RAB10: variants seen among roughly 807,000 people sequenced by gnomAD.
RAB10 encodes RAB10, member RAS oncogene family.
Under a neutral mutation model 25.7 loss-of-function variants are expected in RAB10, and 5 were observed. The ratio of observed to expected loss-of-function variants is 0.19; its 90% CI spans 0.10 to 0.41. The LOEUF (loss-of-function observed/expected upper bound fraction) is 0.41, where lower values mean the gene tolerates loss of function less well. Among genes scored for constraint, RAB10 ranks in the 10% least tolerant of loss-of-function variants. The pLI is 1.00. For synonymous variants in RAB10, 89 were observed against 86.4 expected (o/e 1.03, Z -0.16); for missense variants, 103 against 245.8 (o/e 0.42, Z 3.89).
chr2:26,119,418 AT>A (rs1480170095), intron 3 of RAB10, among the ~76,000 whole-genome samples: 5 of 152,100 alleles, frequency 3.3e-5, no homozygotes, highest in African/African-American at 1.2e-4. Flanking sequence ...CAAAAAAAAA[AT>A]AAATTTTAAA....
chr2:26,083,813 C>G (rs1482797843), intron 1 of RAB10, among the ~76,000 whole-genome samples: 1 of 152,016 alleles, frequency 6.6e-6, no homozygotes, highest in Admixed American at 6.6e-5. Flanking sequence ...GCAGCTGCAC[C>G]TGCTTAATCA....
At chr2:26,034,030 G>T (rs2149258637), upstream of RAB10, 1 of 399,638 alleles carries the variant, frequency 2.5e-6, no homozygotes, top group Admixed American at 4.4e-5. Context: ...CGTGCGCAGA[G>T]GCGGACCGCA....
At chr2:26,063,567 A>G (rs1666455373) in intron 1 of RAB10, among the ~76,000 whole-genome samples, 1 of 152,222 alleles carries the variant, frequency 6.6e-6, no homozygotes, top group Admixed American at 6.5e-5. Flanking sequence ...ATTACATGCA[A>G]GAAGTTTAAT....
At chr2:26,044,075 C>T (rs1278518683) in intron 1 of RAB10, among the ~76,000 whole-genome samples, 1 of 152,072 alleles carries the variant, frequency 6.6e-6, no homozygotes, top group Non-Finnish European at 1.5e-5. Flanking sequence ...ATCTGTTGCA[C>T]AATGGTGTGA....
intron 1 of RAB10, among the ~76,000 whole-genome samples, chr2:26,093,207 C>T (rs1667144949): frequency 1.3e-5 from 2 of 152,078 alleles, no homozygotes; most frequent in African/African-American, 4.8e-5. Flanking sequence ...TGAGCATTTC[C>T]CTACCCCAGG....
rs1389085756 is a variant in RAB10 at position 26,117,631 on chromosome 2, A to AC, written c.327+7725_327+7726insC. On this transcript the variant is annotated intron_variant, in intron 3 of 5. Coordinates refer to ENST00000264710, the MANE Select transcript of RAB10 (RefSeq NM_016131.5). ...CGAGACTCCGTCTCAAAAAAAAAAA[A>AC]AAAACAAAAAAAACAAAAGAGTTAG... Among the ~76,000 whole-genome samples, 13 of 145,366 alleles carry AC rather than the reference A, an allele frequency of 8.9e-5. 1 individual carries two copies. The East Asian group carries it at 1.1e-3, about 12-fold the overall frequency.
At chr2:26,036,578 G>C (rs960754997) in intron 1 of RAB10, among the ~76,000 whole-genome samples, 1 of 151,848 alleles carries the variant, frequency 6.6e-6, no homozygotes, top group Non-Finnish European at 1.5e-5. Context: ...AGAATCACTT[G>C]AACCTGGGAG....
chr2:26,062,979 G>T (rs1328359796), intron 1 of RAB10, among the ~76,000 whole-genome samples: 1 of 152,046 alleles, frequency 6.6e-6, no homozygotes, highest in Non-Finnish European at 1.5e-5. Flanking sequence ...GCCAGGCATG[G>T]TGGCAGGCGC....
At chr2:26,046,613 C>T (rs1255639742) in intron 1 of RAB10, among the ~76,000 whole-genome samples, 1 of 152,008 alleles carries the variant, frequency 6.6e-6, no homozygotes, top group Non-Finnish European at 1.5e-5. Flanking sequence ...GATGGGGTCT[C>T]GCCATGTTAC....
chr2:26,059,381 CAAAT>C (rs1666349063), intron 1 of RAB10, among the ~76,000 whole-genome samples: 1 of 152,092 alleles, frequency 6.6e-6, no homozygotes, highest in Non-Finnish European at 1.5e-5. Flanking sequence ...ACAGATGTAT[CAAAT>C]AAACACAATG....
intron 2 of RAB10, among the ~76,000 whole-genome samples, chr2:26,100,324 ATCC>A (rs1294466352): frequency 1.3e-5 from 2 of 152,166 alleles, no homozygotes; most frequent in African/African-American, 4.8e-5. Context: ...CTACTCTCTT[ATCC>A]TCTGCCATTA....
chr2:26,101,328 C>T (rs1667333156), intron 2 of RAB10: 1 of 152,188 alleles, frequency 6.6e-6, no homozygotes, highest in Non-Finnish European at 1.5e-5. Context: ...TACATAGCAG[C>T]CACAGCTGGA....
chr2:26,054,369 T>C (rs1479267270), intron 1 of RAB10, among the ~76,000 whole-genome samples: 1 of 152,126 alleles, frequency 6.6e-6, no homozygotes, highest in African/African-American at 2.4e-5. Context: ...TTTGTATTTT[T>C]AGTAGAGACG....
intron 5 of RAB10, among the ~76,000 whole-genome samples, chr2:26,131,271 G>A (rs1214342741): frequency 1.3e-5 from 2 of 151,744 alleles, no homozygotes; most frequent in African/African-American, 4.8e-5. Context: ...TAGCTTGTAC[G>A]CTAAAGAAAA....
intron 1 of RAB10, among the ~76,000 whole-genome samples, chr2:26,079,511 A>G (rs1666819683): frequency 6.6e-6 from 1 of 152,216 alleles, no homozygotes; most frequent in African/African-American, 2.4e-5. Context: ...TCATGGTTCA[A>G]TATAGATACG....
intron 1 of RAB10, among the ~76,000 whole-genome samples, chr2:26,080,283 A>G (rs1224914699): frequency 6.6e-6 from 1 of 152,222 alleles, no homozygotes; most frequent in Non-Finnish European, 1.5e-5. Context: ...GCAGAATTTC[A>G]ATTAAGAACT....
At chr2:26,076,941 A>G (rs1039079906) in intron 1 of RAB10, among the ~76,000 whole-genome samples, 1 of 150,054 alleles carries the variant, frequency 6.7e-6, no homozygotes, top group African/African-American at 2.5e-5. Context: ...CGAGGAAAAA[A>G]AAAGAGAAAA....
intron 1 of RAB10, among the ~76,000 whole-genome samples, chr2:26,097,132 A>C (rs1051403929): frequency 4.6e-5 from 7 of 152,296 alleles, no homozygotes; most frequent in Middle Eastern, 3.4e-3. Context: ...TAAGAGGATC[A>C]CTTAAGCCGG....
At chr2:26,065,421 C>CT (rs546247772) in intron 1 of RAB10, among the ~76,000 whole-genome samples, 1 of 152,004 alleles carries the variant, frequency 6.6e-6, no homozygotes, top group Non-Finnish European at 1.5e-5. Context: ...ATGGTCAACA[C>CT]TTTCATTTGG....
Sources: allele counts gnomAD v4.1 joint callset (sites outside exome capture counted in the v4.1 genomes callset), GRCh38; gene constraint gnomAD v4.1.1; transcripts MANE v1.5; gene names NCBI Gene and HGNC (gene_info 2026-07-23, HGNC 2026-07-21).